TENT4A: variants seen among roughly 807,000 people sequenced by gnomAD.
TENT4A encodes the protein DNA polymerase kappa.
In TENT4A, 7 loss-of-function variants were observed where a neutral mutation model predicts 72.8. That is an observed-to-expected ratio of 0.10 (90% CI 0.05 to 0.18). The LOEUF (loss-of-function observed/expected upper bound fraction) is 0.18, where lower values mean the gene tolerates loss of function less well. TENT4A is among the 10% of genes least tolerant of loss of function. The pLI is 1.00. For missense variants in TENT4A, 831 were observed against 1,017.7 expected (o/e 0.82, Z 2.50); for synonymous variants, 456 against 434.3 (o/e 1.05, Z -0.62).
intron 1 of TENT4A, among the ~76,000 whole-genome samples, chr5:6,716,091 TG>T (rs1344101251): frequency 6.6e-6 from 1 of 152,186 alleles, no homozygotes; most frequent in East Asian, 1.9e-4. Flanking sequence ...CTGCCAGTCT[TG>T]GGTTGTACCT....
intron 12 of TENT4A, among the ~76,000 whole-genome samples, chr5:6,754,545 T>C (rs1742586241): frequency 1.3e-5 from 2 of 152,202 alleles, no homozygotes; most frequent in African/African-American, 4.8e-5. Context: ...GGTTTGATCC[T>C]GGTACATGGT....
chr5:6,737,487 A>T, intron 1 of TENT4A, 23 bp from the exon 2 acceptor site: 1 of 1,590,954 alleles, frequency 6.3e-7, no homozygotes, highest in South Asian at 1.1e-5. Flanking sequence ...TAACTCTAGT[A>T]TGTTTTCTTT....
intron 1 of TENT4A, among the ~76,000 whole-genome samples, chr5:6,722,547 GTTTTT>G (rs55840324): frequency 8.1e-6 from 1 of 123,266 alleles, no homozygotes; most frequent in African/African-American, 3.1e-5. Flanking sequence ...GCATTTGTTA[GTTTTT>G]TTTTTTTTTT....
At position 6,742,474 on chromosome 5, in the gene TENT4A, A is replaced by G; in HGVS notation, c.1009-16A>G. On this transcript the variant is annotated splice_polypyrimidine_tract_variant and intron_variant, in intron 4 of 12. Transcript: ENST00000230859. The stretch of plus-strand genomic sequence containing the variant: ...TCCTGCATGTTAAAGCAGTTTTTAA[A>G]ATGAAATCTTTACAGGTACCAATAA... The G allele has an allele frequency of 6.5e-7, 1 of 1,543,822 alleles. No homozygotes were observed. Among genetic ancestry groups the G allele is most frequent in the Non-Finnish European group, 9.0e-7 (1 of 1,115,792 alleles).
chr5:6,741,599 C>T (rs1214508494), intron 4 of TENT4A, among the ~76,000 whole-genome samples: 1 of 152,216 alleles, frequency 6.6e-6, no homozygotes, highest in Non-Finnish European at 1.5e-5. Context: ...AACATACTGG[C>T]CTCAGGGCTT....
intron 1 of TENT4A, among the ~76,000 whole-genome samples, chr5:6,732,350 C>A (rs1368701505): frequency 6.6e-6 from 1 of 152,204 alleles, no homozygotes; most frequent in Non-Finnish European, 1.5e-5. Context: ...AAATGGGTCA[C>A]CTGTTGTCAT....
chr5:6,735,759 C>CTTT (rs1159786956), intron 1 of TENT4A, among the ~76,000 whole-genome samples: 1 of 139,348 alleles, frequency 7.2e-6, no homozygotes, highest in East Asian at 2.1e-4. Context: ...TTTTTTCTTA[C>CTTT]TTTTTTTTTT....
chr5:6,746,526 C>T, intron 7 of TENT4A, 99 bp downstream of exon 7: 1 of 1,041,412 alleles, frequency 9.6e-7, no homozygotes, highest in Non-Finnish European at 1.4e-6. Context: ...CCGGGCAGTT[C>T]ATTTGCTCTT....
chr5:6,751,434 G>GCTTTTCACAT, intron 11 of TENT4A: 1 of 414,700 alleles, frequency 2.4e-6, no homozygotes. Flanking sequence ...CTTTTCACGG[G>GCTTTTCACAT]GGCCAGGTTG....
intron 1 of TENT4A, among the ~76,000 whole-genome samples, chr5:6,723,611 C>T (rs1037468472): frequency 1.3e-5 from 2 of 152,196 alleles, no homozygotes; most frequent in Admixed American, 6.5e-5. Context: ...GTTCAGTGAA[C>T]AAGACGTCGC....
intron 1 of TENT4A, among the ~76,000 whole-genome samples, chr5:6,721,190 G>T (rs1242407712): frequency 1.3e-5 from 2 of 152,110 alleles, no homozygotes; most frequent in African/African-American, 4.8e-5. Context: ...CACTAAGTAA[G>T]TATCTCCCAA....
chr5:6,752,100 C>A (rs1742437234), intron 11 of TENT4A, among the ~76,000 whole-genome samples: 1 of 152,198 alleles, frequency 6.6e-6, no homozygotes, highest in Admixed American at 6.5e-5. Context: ...AACTTGGTCG[C>A]CTTTTTATGG....
Position 6,714,644 on chromosome 5 carries a change from G to A in TENT4A, c.661G>A (p.Ala221Thr). 1.7e-6 allele frequency: 2 copies of A among 1,199,350 alleles called. No homozygotes were observed. Among genetic ancestry groups the A allele is most frequent in the East Asian group, 7.0e-5 (2 of 28,708 alleles). The allele number at this position is 1,199,350 out of a possible 1,614,324, so 74.3% of individuals were successfully genotyped here. A position where few individuals can be genotyped will look rare whatever the true frequency, so the allele number is the denominator to read the frequency against. The change falls in exon 1 of 13, where the codon GCG becomes ACG. Residue 221 changes from alanine to threonine, a missense_variant. By Grantham distance (58) the Ala-to-Thr change is moderately conservative (BLOSUM62 0). Around this residue, in one of 3 missense-constraint regions of TENT4A, gnomAD observed 302 missense variants for 293.8 expected, o/e 1.03. Coordinates refer to ENST00000230859, the MANE Select transcript of TENT4A (RefSeq NM_006999.6). Reference sequence around the variant, plus strand: ...CGGAGGGGGCGGCCCCGGGGCCCAGGCGCCGCGGCCCGGCACCCCGTGGAA... The same window carrying A: ...CGGAGGGGGCGGCCCCGGGGCCCAGACGCCGCGGCCCGGCACCCCGTGGAA... ...LSGGGGPGAQ[A>T]PRPGTPWKSR...
In TENT4A at chr5:6,746,387, C is replaced by T. The variant is rs368939745; in HGVS notation, c.1419C>T (p.Tyr473=). ...EEIMKAMTSG[Y]RPSMLCIEDP... Reference sequence around the variant, plus strand: ...TCATGAAAGCCATGACCAGCGGGTACAGACCGTCGATGCTGTGCATTGAGG... The same window carrying T: ...TCATGAAAGCCATGACCAGCGGGTATAGACCGTCGATGCTGTGCATTGAGG... The change falls in exon 7 of 13, where the codon TAC becomes TAT. Residue 473 remains tyrosine, a synonymous_variant. Transcript: ENST00000230859. 5.0e-6 allele frequency: 8 copies of T among 1,614,074 alleles called. No individual in the cohort carries two copies. The highest frequency in any genetic ancestry group is 1.1e-5 in the South Asian group (1 of 91,084).
In TENT4A at chr5:6,741,737, G is replaced by A. The variant is rs1561039446; in HGVS notation, c.1009-753G>A. Reference sequence around the variant, plus strand: ...AGCCCAGAATAGGTGTGTACTGAATGCACTGTCCCTACGTTGCCTATCACT... The same window carrying A: ...AGCCCAGAATAGGTGTGTACTGAATACACTGTCCCTACGTTGCCTATCACT... On this transcript the variant is annotated intron_variant, in intron 4 of 12. Coordinates refer to ENST00000230859, the MANE Select transcript of TENT4A (RefSeq NM_006999.6). 3.3e-5 allele frequency among the ~76,000 whole-genome samples: 5 copies of A among 152,338 alleles called. No homozygotes were observed. The South Asian group carries it at 1.0e-3, about 32-fold the overall frequency.
chr5:6,716,959 G>A (rs922324879), intron 1 of TENT4A, among the ~76,000 whole-genome samples: 2 of 152,216 alleles, frequency 1.3e-5, no homozygotes, highest in Non-Finnish European at 2.9e-5. Context: ...GGCCTGTGAG[G>A]ACCACCTGCT....
intron 1 of TENT4A, among the ~76,000 whole-genome samples, chr5:6,734,030 A>G (rs950283159): frequency 4.2e-4 from 64 of 152,260 alleles, no homozygotes; most frequent in African/African-American, 1.4e-3. Flanking sequence ...GAGAGTGTAC[A>G]TCAGCAATGA....
At chr5:6,747,920 T>C (rs1742192634) in intron 7 of TENT4A, among the ~76,000 whole-genome samples, 1 of 152,244 alleles carries the variant, frequency 6.6e-6, no homozygotes, top group South Asian at 2.1e-4. Context: ...GTCCCAGTTT[T>C]CCACACGTGA....
At chr5:6,744,817 T>C (rs1742000000) in intron 6 of TENT4A, among the ~76,000 whole-genome samples, 2 of 152,246 alleles carry the variant, frequency 1.3e-5, no homozygotes, top group Non-Finnish European at 2.9e-5. Flanking sequence ...TATTTTGAAT[T>C]AAACATGGGC....
Sources: allele counts gnomAD v4.1 joint callset (sites outside exome capture counted in the v4.1 genomes callset), GRCh38; gene constraint gnomAD v4.1.1; regional missense constraint gnomAD v4.1.1; transcripts MANE v1.5; gene names NCBI Gene and HGNC (gene_info 2026-07-23, HGNC 2026-07-21).